The following ADGRV1 variants were observed in gnomAD, a reference collection of about 807,000 sequenced individuals.
The protein encoded by ADGRV1 is G-protein coupled receptor 98.
In ADGRV1, 359 loss-of-function variants were observed where a neutral mutation model predicts 596.2. The ratio of observed to expected loss-of-function variants is 0.60; its 90% CI spans 0.55 to 0.66. The LOEUF is 0.66. Ranked by LOEUF, ADGRV1 falls within the 30% of genes least tolerant of loss-of-function variation. ADGRV1 has a pLI of 0.00. For synonymous variants in ADGRV1, 2,681 were observed against 2,679.2 expected (o/e 1.00, Z -0.02); for missense variants, 7,274 against 7,575.6 (o/e 0.96, Z 1.48).
Position 90,653,950 on chromosome 5 carries a change from A to G in ADGRV1, c.4376A>G (p.Asp1459Gly), listed in dbSNP as rs1769033008. ...IKSLKGEAIT[D>G]GPGILRIGAG... is the part of the protein sequence containing the mutation. Reference sequence around the variant, plus strand: ...AGTCTGAAAGGAGAAGCCATTACTGACGGTGAGGGTCATCATCACAACTAG... The same window carrying G: ...AGTCTGAAAGGAGAAGCCATTACTGGCGGTGAGGGTCATCATCACAACTAG... The change falls in exon 20 of 90, where the codon GAC (aspartate) becomes GGC (glycine). Residue 1459 changes from aspartate (D) to glycine (G), a missense_variant and splice_region_variant. This residue lies in a region of ADGRV1 where 38 missense variants were observed against 66.7 expected (regional missense o/e 0.57). Coordinates refer to ENST00000405460, the MANE Select transcript of ADGRV1 (RefSeq NM_032119.4). The G allele has an allele frequency of 6.4e-7, 1 of 1,554,484 alleles. No individual in the cohort carries two copies. Among genetic ancestry groups the G allele is most frequent in the Non-Finnish European group, 8.7e-7 (1 of 1,148,338 alleles).
chr5:90,912,240 A>G (rs529593436), intron 83 of ADGRV1, among the ~76,000 whole-genome samples: 1 of 152,170 alleles, frequency 6.6e-6, no homozygotes, highest in East Asian at 1.9e-4. Context: ...TGCAGTGTGG[A>G]TGCCAATGCC....
At position 90,985,426 on chromosome 5, in the gene ADGRV1, G is replaced by C; in HGVS notation, c.18056G>C (p.Gly6019Ala). ...CTGCTGTTTTTCCTTCTGAGTTGGG[G>C]ACTACCAGCTTTTGTGGTGATTCTC... Reference protein sequence around the residue: ...RYLLFFLLSWGLPAFVVILLI... With the variant: ...RYLLFFLLSWALPAFVVILLI... Residue 6019 changes from glycine to alanine, a missense_variant, in exon 85 of 90, where the codon GGA (glycine) becomes GCA (alanine). Around this residue, in one of 5 missense-constraint regions of ADGRV1, gnomAD observed 1,874 missense variants for 1,970.2 expected, o/e 0.95. Coordinates refer to ENST00000405460, the MANE Select transcript of ADGRV1 (RefSeq NM_032119.4). 3 of 1,613,640 alleles carry C rather than the reference G, an allele frequency of 1.9e-6. No individual in the cohort carries two copies. In the South Asian group the frequency reaches 3.3e-5, roughly 18 times the overall value.
chr5:91,058,174 G>A (rs1787068046), intron 85 of ADGRV1, among the ~76,000 whole-genome samples: 1 of 152,194 alleles, frequency 6.6e-6, no homozygotes, highest in African/African-American at 2.4e-5. Context: ...CAGGTGCTGG[G>A]CAGGCCTCAG....
intron 42 of ADGRV1, among the ~76,000 whole-genome samples, chr5:90,715,649 A>G (rs1580842505): frequency 1.1e-5 from 1 of 88,930 alleles, no homozygotes; most frequent in Non-Finnish European, 2.0e-5. Flanking sequence ...AATAAGGTCT[A>G]CTTTTCTTTT....
intron 87 of ADGRV1, among the ~76,000 whole-genome samples, chr5:91,145,855 G>A (rs1470067451): frequency 6.6e-6 from 1 of 152,160 alleles, no homozygotes; most frequent in Non-Finnish European, 1.5e-5. Flanking sequence ...TTCCAGAAGT[G>A]GCAGCAGAAA....
At chr5:90,967,946 A>T (rs1181656363) in intron 84 of ADGRV1, among the ~76,000 whole-genome samples, 1 of 152,208 alleles carries the variant, frequency 6.6e-6, no homozygotes, top group Non-Finnish European at 1.5e-5. Flanking sequence ...TTACGTTGTA[A>T]TTTACAAAAT....
chr5:90,921,938 C>T (rs993590468), intron 83 of ADGRV1, among the ~76,000 whole-genome samples: 13 of 151,876 alleles, frequency 8.6e-5, no homozygotes, highest in Middle Eastern at 6.8e-3. Context: ...AGTGCAAGTC[C>T]GGGGTCAAAA....
intron 50 of ADGRV1, among the ~76,000 whole-genome samples, chr5:90,740,246 G>C (rs530757414): frequency 6.6e-6 from 1 of 151,972 alleles, no homozygotes; most frequent in African/African-American, 2.4e-5. Flanking sequence ...AAGTGGCTGT[G>C]AAGGAGATCA....
chr5:90,861,123 C>G (rs1227746835), intron 82 of ADGRV1, among the ~76,000 whole-genome samples: 1 of 151,482 alleles, frequency 6.6e-6, no homozygotes, highest in Non-Finnish European at 1.5e-5. Flanking sequence ...CTTTTAGAAC[C>G]GAATCTCTAA....
At chr5:91,120,909 C>T (rs375527704) in intron 87 of ADGRV1, among the ~76,000 whole-genome samples, 3 of 152,134 alleles carry the variant, frequency 2.0e-5, no homozygotes, top group Non-Finnish European at 4.4e-5. Context: ...CACTATGGCT[C>T]ACGCCTGTAA....
chr5:90,711,884 C>A (rs1749404798), intron 41 of ADGRV1, among the ~76,000 whole-genome samples: 1 of 152,164 alleles, frequency 6.6e-6, no homozygotes, highest in African/African-American at 2.4e-5. Flanking sequence ...TCAAGCAATT[C>A]TCCTGCCTCA....
At chr5:90,679,792 T>G (rs1561512665) in intron 26 of ADGRV1, among the ~76,000 whole-genome samples, 163 bp downstream of exon 26, 1 of 152,186 alleles carries the variant, frequency 6.6e-6, no homozygotes, top group Admixed American at 6.5e-5. Context: ...ATTTCCTTCA[T>G]GTTGTAGTCA....
chr5:90,780,678 A>ATTTTTCTTTCTTTC (rs1296029358), intron 64 of ADGRV1, among the ~76,000 whole-genome samples: 4 of 151,958 alleles, frequency 2.6e-5, no homozygotes, highest in African/African-American at 9.6e-5. Flanking sequence ...TTTCTTTTTT[A>ATTTTTCTTTCTTTC]TTTTTCTTTC....
At chr5:91,126,292 G>A (rs564498144) in intron 87 of ADGRV1, among the ~76,000 whole-genome samples, 30 of 152,182 alleles carry the variant, frequency 2.0e-4, no homozygotes, top group South Asian at 8.3e-4. Flanking sequence ...ATGACTAACC[G>A]GTGTTAACAC....
intron 3 of ADGRV1, 39 bp from the exon 4 acceptor site, chr5:90,619,047 T>C: frequency 1.0e-6 from 1 of 962,616 alleles, no homozygotes; most frequent in Non-Finnish European, 1.5e-6. Context: ...TATTATTTTA[T>C]TTTTAATTCA....
intron 85 of ADGRV1, among the ~76,000 whole-genome samples, chr5:91,011,488 C>G (rs1170209225): frequency 6.6e-6 from 1 of 151,870 alleles, no homozygotes; most frequent in African/African-American, 2.4e-5. Flanking sequence ...TGCCTAGATT[C>G]TAGGGAATTT....
At chr5:91,140,122 C>A (rs553582360) in intron 87 of ADGRV1, among the ~76,000 whole-genome samples, 2 of 152,200 alleles carry the variant, frequency 1.3e-5, no homozygotes, top group Non-Finnish European at 2.9e-5. Flanking sequence ...TCTACACTCA[C>A]ATTCTAACCT....
intron 20 of ADGRV1, among the ~76,000 whole-genome samples, chr5:90,656,428 C>T (rs2149475847): frequency 6.6e-6 from 1 of 152,294 alleles, no homozygotes; most frequent in African/African-American, 2.4e-5. Context: ...GAGATGTGAT[C>T]ATTTCTATAT....
chr5:90,912,966 G>T (rs923074969), intron 83 of ADGRV1, among the ~76,000 whole-genome samples: 74 of 151,982 alleles, frequency 4.9e-4, no homozygotes, highest in African/African-American at 1.7e-3. Flanking sequence ...TTGATGTTGG[G>T]GTTCGAAACA....
Sources: allele counts gnomAD v4.1 joint callset (sites outside exome capture counted in the v4.1 genomes callset), GRCh38; gene constraint gnomAD v4.1.1; regional missense constraint gnomAD v4.1.1; transcripts MANE v1.5; gene names NCBI Gene and HGNC (gene_info 2026-07-23, HGNC 2026-07-21).